The following CNTN4 variants were observed in gnomAD, a reference collection of about 807,000 sequenced individuals.
CNTN4 encodes contactin 4.
CNTN4 carries 77 observed loss-of-function variants against 122.5 expected under a neutral mutation model. The ratio of observed to expected loss-of-function variants is 0.63; its 90% CI spans 0.52 to 0.76. The LOEUF is 0.76. CNTN4 is among the 30% of genes least tolerant of loss of function. CNTN4 has a pLI of 0.00. For missense variants in CNTN4, 1,256 were observed against 1,259.1 expected (o/e 1.00, Z 0.04); for synonymous variants, 512 against 447.0 (o/e 1.15, Z -1.83).
rs79913588 is a variant in CNTN4, at chr3:2,718,305, T to C, written c.56-17910T>C. Among the ~76,000 whole-genome samples, 330 of 152,294 alleles carry C rather than the reference T, an allele frequency of 2.2e-3. 1 individual carries two copies. Among genetic ancestry groups the C allele is most frequent in the African/African-American group, 7.6e-3 (316 of 41,572 alleles). ...CTGATTTCTCTATGTTGGGAAAGTA[T>C]ATTTCACACATTTTGGTAATTATCT... On this transcript the variant is annotated intron_variant, in intron 4 of 24. Coordinates refer to ENST00000418658, the MANE Select transcript of CNTN4 (RefSeq NM_175607.3).
Position 2,957,987 on chromosome 3 carries a change from A to G in CNTN4, c.1359-30358A>G, listed in dbSNP as rs370072032. Reference sequence around the variant, plus strand: ...GATTCCTGGGTTGACTGGTAGTTCTAAGAGCCACTGTGACTGGCCTTTTGA... The same window carrying G: ...GATTCCTGGGTTGACTGGTAGTTCTGAGAGCCACTGTGACTGGCCTTTTGA... On this transcript the variant is annotated intron_variant, in intron 13 of 24. Transcript: ENST00000418658. Among the ~76,000 whole-genome samples, 4 of 152,282 alleles carry G rather than the reference A, an allele frequency of 2.6e-5. No homozygotes were observed. The South Asian group carries it at 8.3e-4, about 32-fold the overall frequency.
At position 2,984,610 on chromosome 3, in the gene CNTN4, A is replaced by G. The variant is rs551427382; in HGVS notation, c.1359-3735A>G. 9.2e-5 allele frequency among the ~76,000 whole-genome samples: 14 copies of G among 152,362 alleles called. No homozygotes were observed. In the South Asian group the frequency reaches 1.2e-3, roughly 14 times the overall value. ...GTTTCAGAGTCAAGGCTAGAATCCAAGTAATCTGATGACAAGTCCTTTGCT... is the reference window on the plus strand; with the variant it reads ...GTTTCAGAGTCAAGGCTAGAATCCAGGTAATCTGATGACAAGTCCTTTGCT... On this transcript the variant is annotated intron_variant, in intron 13 of 24. Coordinates refer to ENST00000418658, the MANE Select transcript of CNTN4 (RefSeq NM_175607.3).
At chr3:2,338,704 A>G (rs2044059903) in intron 2 of CNTN4, among the ~76,000 whole-genome samples, 1 of 152,152 alleles carries the variant, frequency 6.6e-6, no homozygotes, top group Admixed American at 6.5e-5. Flanking sequence ...CGGTAGCTTT[A>G]AGAGAATGTA....
intron 2 of CNTN4, among the ~76,000 whole-genome samples, chr3:2,184,018 C>T (rs1428317092): frequency 6.6e-6 from 1 of 151,974 alleles, no homozygotes; most frequent in Non-Finnish European, 1.5e-5. Flanking sequence ...GTCACCCAGG[C>T]TAGAGTGCAG....
chr3:2,776,586 A>G (rs1038947487), intron 6 of CNTN4, among the ~76,000 whole-genome samples: 1 of 152,174 alleles, frequency 6.6e-6, no homozygotes, highest in Non-Finnish European at 1.5e-5. Context: ...AATTTGTGTG[A>G]CATGCCCTCT....
chr3:2,788,700 A>G (rs2149946934), intron 6 of CNTN4, among the ~76,000 whole-genome samples: 1 of 152,338 alleles, frequency 6.6e-6, no homozygotes, highest in South Asian at 2.1e-4. Context: ...AAAAACAGTC[A>G]TTAGAATGCC....
intron 2 of CNTN4, among the ~76,000 whole-genome samples, chr3:2,135,577 C>T (rs1313171380): frequency 2.6e-5 from 4 of 151,470 alleles, no homozygotes; most frequent in East Asian, 1.9e-4. Flanking sequence ...GAGTAATCAG[C>T]GCATATTTGT....
chr3:2,400,451 C>CATATATGTATATATATATATATATATATA (rs1559520108), intron 3 of CNTN4, among the ~76,000 whole-genome samples: 1 of 107,988 alleles, frequency 9.3e-6, no homozygotes, highest in Non-Finnish European at 2.0e-5. Flanking sequence ...ATATATATAT[C>CATATATGTATATATATATATATATATATA]TCTTTTTTTC....
chr3:3,044,412 T>G (rs1366832763), intron 23 of CNTN4, among the ~76,000 whole-genome samples: 1 of 152,218 alleles, frequency 6.6e-6, no homozygotes, highest in East Asian at 1.9e-4. Context: ...ATAACTAAGA[T>G]GCTTCTTCAC....
At chr3:2,872,415 C>G (rs2093796696) in intron 8 of CNTN4, among the ~76,000 whole-genome samples, 1 of 151,646 alleles carries the variant, frequency 6.6e-6, no homozygotes, top group Non-Finnish European at 1.5e-5. Flanking sequence ...GCCTTTTTTT[C>G]TGTTTTCCTG....
At chr3:2,279,693 A>G (rs1030395244) in intron 2 of CNTN4, among the ~76,000 whole-genome samples, 1 of 152,112 alleles carries the variant, frequency 6.6e-6, no homozygotes, top group African/African-American at 2.4e-5. Context: ...TATGCATTGA[A>G]AAAAATAAGC....
intron 4 of CNTN4, among the ~76,000 whole-genome samples, chr3:2,641,719 G>T (rs1378889797): frequency 1.3e-5 from 2 of 152,118 alleles, no homozygotes; most frequent in African/African-American, 4.8e-5. Flanking sequence ...AATGCAATTT[G>T]GTATCATGGA....
intron 3 of CNTN4, among the ~76,000 whole-genome samples, chr3:2,367,902 T>G (rs1387327564): frequency 6.6e-6 from 1 of 152,166 alleles, no homozygotes; most frequent in Non-Finnish European, 1.5e-5. Context: ...TAGATTGGCC[T>G]CAGGATCCGT....
intron 2 of CNTN4, among the ~76,000 whole-genome samples, chr3:2,182,707 A>G (rs984793381): frequency 1.3e-5 from 2 of 152,150 alleles, no homozygotes; most frequent in African/African-American, 4.8e-5. Flanking sequence ...ATGTCTTCCT[A>G]TAATCCAGTT....
chr3:2,211,008 C>G (rs1486828150), intron 2 of CNTN4, among the ~76,000 whole-genome samples: 3 of 152,068 alleles, frequency 2.0e-5, no homozygotes, highest in African/African-American at 7.2e-5. Context: ...GCATTGCTGT[C>G]AAGAAATACC....
chr3:2,560,401 C>T (rs958554488), intron 3 of CNTN4, among the ~76,000 whole-genome samples: 1 of 152,128 alleles, frequency 6.6e-6, no homozygotes, highest in Non-Finnish European at 1.5e-5. Flanking sequence ...CTTGGCTTCC[C>T]AAAATTTGGG....
At chr3:2,994,028 C>A (rs894712914) in intron 14 of CNTN4, among the ~76,000 whole-genome samples, 5 of 152,136 alleles carry the variant, frequency 3.3e-5, no homozygotes, top group African/African-American at 9.7e-5. Context: ...ATTTGATTCT[C>A]CAGCATGTGG....
At chr3:2,426,368 G>A (rs750478669) in intron 3 of CNTN4, among the ~76,000 whole-genome samples, 1 of 152,060 alleles carries the variant, frequency 6.6e-6, no homozygotes, top group Non-Finnish European at 1.5e-5. Flanking sequence ...GATGGATTAC[G>A]TTTATTGATT....
At chr3:2,332,077 G>A (rs1041987610) in intron 2 of CNTN4, among the ~76,000 whole-genome samples, 3 of 152,114 alleles carry the variant, frequency 2.0e-5, no homozygotes, top group Non-Finnish European at 4.4e-5. Context: ...CTTTAGAGTC[G>A]ATAGGGGTTC....
Sources: allele counts gnomAD v4.1 joint callset (sites outside exome capture counted in the v4.1 genomes callset), GRCh38; gene constraint gnomAD v4.1.1; transcripts MANE v1.5; gene names NCBI Gene and HGNC (gene_info 2026-07-23, HGNC 2026-07-21).